Variants in FYB2 observed in about 807,000 individuals in gnomAD.
FYB2 encodes the protein FYN-binding protein 2.
Under a neutral mutation model 94.1 loss-of-function variants are expected in FYB2, and 103 were observed. The observed-to-expected ratio is 1.09, with a 90% CI of 0.93 to 1.29. The LOEUF (loss-of-function observed/expected upper bound fraction) is 1.29. Among genes scored for constraint, FYB2 ranks in the 50% most tolerant of loss-of-function variants. FYB2 has a pLI of 0.00. For synonymous variants in FYB2, 293 were observed against 287.9 expected (o/e 1.02, Z -0.18); for missense variants, 896 against 841.5 (o/e 1.06, Z -0.80).
chr1:56,730,687 C>G, intron 15 of FYB2, among the ~76,000 whole-genome samples: 1 of 152,160 alleles, frequency 6.6e-6, no homozygotes, highest in South Asian at 2.1e-4. Context: ...GATGGCTTCC[C>G]TGCTGAATTC....
At chr1:56,775,318 A>G (rs1645851300) in intron 4 of FYB2, among the ~76,000 whole-genome samples, 1 of 152,084 alleles carries the variant, frequency 6.6e-6, no homozygotes, top group African/African-American at 2.4e-5. Context: ...TCTACAAAGG[A>G]CCACAAAACC....
intron 1 of FYB2, among the ~76,000 whole-genome samples, chr1:56,815,109 TG>T (rs1180936983): frequency 6.6e-6 from 1 of 152,192 alleles, no homozygotes; most frequent in East Asian, 1.9e-4. Flanking sequence ...GATTCCACTC[TG>T]GATACTCTTT....
rs1646960002 is a variant in FYB2, at chr1:56,819,349, G to A, written c.-59C>T. On this transcript the variant is annotated 5_prime_UTR_variant, in exon 1 of 20. Transcript: ENST00000343433. Reference sequence around the variant, plus strand: ...CCCAGCCTCTCAGAGCTGGGTCCTGGGGCCAACAATCCGCTTTCCTCTGTC... The same window carrying A: ...CCCAGCCTCTCAGAGCTGGGTCCTGAGGCCAACAATCCGCTTTCCTCTGTC... The A allele has an allele frequency of 1.9e-6, 3 of 1,610,154 alleles. No individual in the cohort carries two copies. The highest frequency in any genetic ancestry group is 1.3e-5 in the African/African-American group (1 of 74,948).
At chr1:56,771,929 T>G (rs1187007793) in intron 4 of FYB2, among the ~76,000 whole-genome samples, 1 of 147,604 alleles carries the variant, frequency 6.8e-6, no homozygotes, top group Non-Finnish European at 1.5e-5. Context: ...TTTGCATAGT[T>G]GCATATTTTC....
In FYB2 at chr1:56,818,932, A is replaced by C. The variant is rs543247811; in HGVS notation, c.9+350T>G. ...ACTGCAGAGGCCAGATACAGTCCACAAGGGCAAGTAAACACAGAGAGAAGC... is the reference window on the plus strand; with the variant it reads ...ACTGCAGAGGCCAGATACAGTCCACCAGGGCAAGTAAACACAGAGAGAAGC... On this transcript the variant is annotated intron_variant, in intron 1 of 19. Transcript: ENST00000343433. 4.6e-4 allele frequency among the ~76,000 whole-genome samples: 70 copies of C among 152,308 alleles called. No homozygotes were observed. The Middle Eastern group carries it at 0.01, about 22-fold the overall frequency.
intron 5 of FYB2, among the ~76,000 whole-genome samples, chr1:56,765,213 T>G (rs1645593506): frequency 6.6e-6 from 1 of 152,178 alleles, no homozygotes; most frequent in Admixed American, 6.5e-5. Flanking sequence ...TGGCCTTTGC[T>G]GACACTACAA....
In FYB2 at chr1:56,792,294, T is replaced by C; in HGVS notation, c.519A>G (p.Lys173=). 6.2e-7 allele frequency: 1 copy of C among 1,614,048 alleles called. No individual in the cohort carries two copies. Among genetic ancestry groups the C allele is most frequent in the South Asian group, 1.1e-5 (1 of 91,068 alleles). ...GSKAIHLEGQ[K]GMGLTPEEPR... ...GTTCCTCTGGAGTAAGCCCCATGCC[T>C]TTTTGCCCTTCCAGATGGATGGCCT... Residue 173 remains lysine, a synonymous_variant, in exon 2 of 20, where the codon AAA becomes AAG. Coordinates refer to ENST00000343433, the MANE Select transcript of FYB2 (RefSeq NM_001004303.5).
intron 16 of FYB2, 34 bp downstream of exon 16, chr1:56,726,463 A>C: frequency 1.9e-6 from 3 of 1,578,158 alleles, no homozygotes; most frequent in Non-Finnish European, 2.6e-6. Context: ...ATTGCAGCAG[A>C]TAAGCTATAA....
At chr1:56,775,460 C>T (rs1393354224) in intron 4 of FYB2, among the ~76,000 whole-genome samples, 2 of 152,210 alleles carry the variant, frequency 1.3e-5, no homozygotes, top group East Asian at 3.9e-4. Flanking sequence ...CATGGGAAGG[C>T]ATGTAAATCA....
intron 4 of FYB2, 64 bp downstream of exon 4, chr1:56,787,111 G>A: frequency 1.3e-6 from 2 of 1,558,412 alleles, no homozygotes. Flanking sequence ...TGCCTGCTCT[G>A]GAGCAGTCTA....
At chr1:56,793,336 C>A (rs932816930) in intron 1 of FYB2, among the ~76,000 whole-genome samples, 3 of 152,184 alleles carry the variant, frequency 2.0e-5, no homozygotes, top group African/African-American at 7.2e-5. Flanking sequence ...GTTCTTGCTT[C>A]ACAAAATGCA....
At chr1:56,818,455 A>AACAC (rs3991685) in intron 1 of FYB2, among the ~76,000 whole-genome samples, 2,619 of 139,924 alleles carry the variant, frequency 0.019, 35 homozygotes, top group Middle Eastern at 0.029. Context: ...GTATGGAAGC[A>AACAC]ACACACACAC....
At chr1:56,811,765 AAAC>A (rs1553168544) in intron 1 of FYB2, among the ~76,000 whole-genome samples, 1 of 98,454 alleles carries the variant, frequency 1.0e-5, no homozygotes, top group African/African-American at 3.4e-5. Flanking sequence ...CCAAACAAAC[AAAC>A]AAACAAACAA....
At chr1:56,735,669 C>A (rs1257902114) in intron 15 of FYB2, among the ~76,000 whole-genome samples, 2 of 152,064 alleles carry the variant, frequency 1.3e-5, no homozygotes, top group Non-Finnish European at 2.9e-5. Context: ...AATGAGTTCT[C>A]ATGAGTTCTG....
intron 1 of FYB2, among the ~76,000 whole-genome samples, chr1:56,801,808 A>C (rs868339237): frequency 3.0e-4 from 45 of 152,160 alleles, no homozygotes; most frequent in African/African-American, 8.7e-4. Flanking sequence ...TCTGGAATAC[A>C]TCTTAATTCT....
In FYB2 at chr1:56,720,217, G is replaced by A. The variant is rs762598750; in HGVS notation, c.2087C>T (p.Thr696Ile). The change falls in exon 18 of 20, where the codon ACC (threonine) becomes ATC (isoleucine). Residue 696 changes from threonine (T) to isoleucine (I), a missense_variant. Coordinates refer to ENST00000343433, the MANE Select transcript of FYB2 (RefSeq NM_001004303.5). ...SPGEELEVID[T>I]TEQNLVICRN... is the part of the protein sequence containing the mutation. ...ACATATCACTAGATTTTGTTCGGTG[G>A]TATCAATGACTTCCAATTCTTCTCC... is the stretch of plus-strand genomic sequence containing the variant. 1.2e-6 allele frequency: 2 copies of A among 1,611,608 alleles called. No individual in the cohort carries two copies. The highest frequency in any genetic ancestry group is 1.3e-5 in the African/African-American group (1 of 74,780).
intron 4 of FYB2, 110 bp from the exon 5 acceptor site, chr1:56,768,048 T>C: frequency 3.9e-6 from 3 of 779,062 alleles, no homozygotes; most frequent in Non-Finnish European, 6.1e-6. Context: ...GCCAATATGG[T>C]GACCTAAGCA....
At chr1:56,752,489 G>T (rs1286216953) in intron 8 of FYB2, among the ~76,000 whole-genome samples, 1 of 152,030 alleles carries the variant, frequency 6.6e-6, no homozygotes, top group Non-Finnish European at 1.5e-5. Context: ...ATAAGGAGTG[G>T]ATTATCCTGA....
At chr1:56,823,108 C>A (rs979553785), upstream of FYB2, among the ~76,000 whole-genome samples, 3 of 151,992 alleles carry the variant, frequency 2.0e-5, no homozygotes, top group African/African-American at 7.3e-5. Flanking sequence ...TTCCTCATGA[C>A]AATGTTGTGA....
Sources: allele counts gnomAD v4.1 joint callset (sites outside exome capture counted in the v4.1 genomes callset), GRCh38; gene constraint gnomAD v4.1.1; transcripts MANE v1.5; gene names NCBI Gene and HGNC (gene_info 2026-07-23, HGNC 2026-07-21).